Variants in DNAH9 observed in about 807,000 individuals in gnomAD.
DNAH9 encodes the protein dynein axonemal heavy chain 9, also known as DNAH9 variant protein.
A neutral mutation model predicts 471.6 loss-of-function variants in DNAH9; 345 were observed. The observed-to-expected ratio is 0.73, with a 90% CI of 0.67 to 0.80. DNAH9 has a LOEUF of 0.80. Among genes scored for constraint, DNAH9 ranks in the 30% least tolerant of loss-of-function variants. The probability of loss-of-function intolerance (pLI) is 0.00; values close to 1 mark genes in which losing one functional copy is unlikely to be tolerated. For missense variants in DNAH9, 5,407 were observed against 5,609.2 expected (o/e 0.96, Z 1.15); for synonymous variants, 2,093 against 2,123.6 (o/e 0.99, Z 0.40).
chr17:11,815,049 G>T (rs1210753546), intron 45 of DNAH9, among the ~76,000 whole-genome samples: 3 of 152,168 alleles, frequency 2.0e-5, no homozygotes, highest in Non-Finnish European at 4.4e-5. Flanking sequence ...CATTAGATCT[G>T]CTCACTGGCT....
intron 60 of DNAH9, among the ~76,000 whole-genome samples, chr17:11,905,430 G>A (rs1356728370): frequency 2.0e-5 from 3 of 152,128 alleles, no homozygotes; most frequent in African/African-American, 7.2e-5. Context: ...TGGCCTGCCT[G>A]GATGGGGCTT....
In DNAH9 at chr17:11,599,040, G is replaced by A. The variant is rs1032830529; in HGVS notation, c.417+125G>A. The stretch of plus-strand genomic sequence containing the variant: ...CTGCAGGGGAGGTCCAAGAGGCGGA[G>A]TGATAGGCAGAGGGGCGAGGCTGTG... On this transcript the variant is annotated intron_variant, in intron 1 of 68. Transcript: ENST00000262442. 37 of 812,116 alleles carry A rather than the reference G, an allele frequency of 4.6e-5. No individual in the cohort carries two copies. The African/African-American group carries it at 5.7e-4, about 12-fold the overall frequency. 50.3% of individuals were successfully genotyped at this position (812,116 alleles called of 1,614,324 possible). A position where few individuals can be genotyped will look rare whatever the true frequency, so the allele number is the denominator to read the frequency against.
chr17:11,748,244 T>G (rs1042818618), intron 32 of DNAH9, among the ~76,000 whole-genome samples: 1 of 151,040 alleles, frequency 6.6e-6, no homozygotes, highest in African/African-American at 2.4e-5. Context: ...GAAGAATTGC[T>G]TGAACCCGGG....
chr17:11,937,531 G>A lies in DNAH9; in HGVS notation c.12660+9G>A. ...CCACAAGAGAAGAAAAGGTGTGTGT[G>A]GTGGGGACTGCCTGAGGTCGTTCTG... On this transcript the variant is annotated intron_variant, in intron 66 of 68. Transcript: ENST00000262442. The surrounding 1 kb of genome is among the most constrained non-coding windows in gnomAD (Gnocchi z 4.1). 1 of 1,604,838 alleles carries A rather than the reference G, an allele frequency of 6.2e-7. No homozygotes were observed. The highest frequency in any genetic ancestry group is 1.8e-4 in the Middle Eastern group (1 of 5,536).
intron 61 of DNAH9, among the ~76,000 whole-genome samples, chr17:11,911,081 A>G (rs1302985472): frequency 6.6e-6 from 1 of 152,164 alleles, no homozygotes; most frequent in Non-Finnish European, 1.5e-5. Flanking sequence ...GGCCACTTGT[A>G]TTTTAATACT....
Position 11,854,047 on chromosome 17 carries a change from C to T in DNAH9, c.9552C>T (p.Ala3184=), listed in dbSNP as rs774684449. 1.6e-5 allele frequency: 26 copies of T among 1,614,020 alleles called. No homozygotes were observed. Among genetic ancestry groups the T allele is most frequent in the Non-Finnish European group, 2.1e-5 (25 of 1,180,030 alleles). The stretch of plus-strand genomic sequence containing the variant: ...AGTCATTTGGCTCTCCGCCTCTGGC[C>T]GTCAGCAATGTCAGCGCTGCGGTGA... ...ELKSFGSPPL[A]VSNVSAAVMV... Residue 3184 remains alanine, a synonymous_variant, in exon 50 of 69, where the codon GCC becomes GCT. Transcript: ENST00000262442.
chr17:11,684,251 A>G (rs1486845481), intron 19 of DNAH9, among the ~76,000 whole-genome samples: 1 of 152,192 alleles, frequency 6.6e-6, no homozygotes, highest in Non-Finnish European at 1.5e-5. Context: ...GGAGAGAAAA[A>G]AAACCTGAGT....
chr17:11,640,412 C>G lies in DNAH9; in HGVS notation c.1901+28C>G, dbSNP rs1474014672. 3 of 1,443,204 alleles carry G rather than the reference C, an allele frequency of 2.1e-6. No homozygotes were observed. The Admixed American group carries it at 5.0e-5, about 24-fold the overall frequency. The allele number at this position is 1,443,204 out of a possible 1,614,324, so 89.4% of individuals were successfully genotyped here. A position where few individuals can be genotyped will look rare whatever the true frequency, so the allele number is the denominator to read the frequency against. Reference sequence around the variant, plus strand: ...GAGTATTGTGTTCCTGAAAGACAGGCTTGTCTTGGGCTGCTGTTCCTGCTC... The same window carrying G: ...GAGTATTGTGTTCCTGAAAGACAGGGTTGTCTTGGGCTGCTGTTCCTGCTC... On this transcript the variant is annotated intron_variant, in intron 10 of 68. Transcript: ENST00000262442.
At chr17:11,836,980 G>A (rs755190260) in intron 49 of DNAH9, among the ~76,000 whole-genome samples, 4 of 152,142 alleles carry the variant, frequency 2.6e-5, no homozygotes, top group Non-Finnish European at 5.9e-5. Context: ...TGAAATGGAA[G>A]CAATGATAAT....
In DNAH9 at chr17:11,711,886, T is replaced by TTG. The variant is rs1420069815; in HGVS notation, c.5552+6702_5552+6703insGT. ...TTATTATATATATTTGTATATATAT[T>TTG]TATATATAAATATATATATTTGTAT... On this transcript the variant is annotated intron_variant, in intron 26 of 68. Coordinates refer to ENST00000262442, the MANE Select transcript of DNAH9 (RefSeq NM_001372.4). 1.9e-3 allele frequency among the ~76,000 whole-genome samples: 18 copies of TTG among 9,652 alleles called. 8 individuals carry two copies. In the Non-Finnish European group the frequency reaches 0.019, roughly 10 times the overall value. 6.3% of individuals were successfully genotyped at this position (9,652 alleles called of 152,430 possible). A position where few individuals can be genotyped will look rare whatever the true frequency, so the allele number is the denominator to read the frequency against.
chr17:11,831,493 C>T (rs890889465), intron 48 of DNAH9, among the ~76,000 whole-genome samples: 11 of 152,016 alleles, frequency 7.2e-5, no homozygotes, highest in African/African-American at 1.2e-4. Context: ...TCCACTTGTC[C>T]CCACCTCCAA....
At chr17:11,822,739 G>T in intron 47 of DNAH9, 62 bp from the exon 48 acceptor site, 5 of 1,594,860 alleles carry the variant, frequency 3.1e-6, no homozygotes, top group Non-Finnish European at 4.3e-6. Flanking sequence ...GGTGAGGGGT[G>T]AGCAGTTGCC....
chr17:11,837,043 A>G (rs1217897019), intron 49 of DNAH9, among the ~76,000 whole-genome samples: 1 of 152,192 alleles, frequency 6.6e-6, no homozygotes, highest in Non-Finnish European at 1.5e-5. Flanking sequence ...TAGCTAACAG[A>G]TGATAGCTAC....
rs57625537 is a variant in DNAH9 at position 11,875,517 on chromosome 17, A to C, written c.10478+333A>C. ...CCATTGTCACATAGCTCTGTGCTTTATAAAGTTTTCCTCACCCTTAGCTAA... is the reference window on the plus strand; with the variant it reads ...CCATTGTCACATAGCTCTGTGCTTTCTAAAGTTTTCCTCACCCTTAGCTAA... On this transcript the variant is annotated intron_variant, in intron 53 of 68. Transcript: ENST00000262442. Among the ~76,000 whole-genome samples the C allele has an allele frequency of 4.5e-3, 691 of 152,262 alleles. 7 individuals carry two copies. The highest frequency in any genetic ancestry group is 0.016 in the African/African-American group (664 of 41,550).
At chr17:11,627,793 T>C (rs1426649656) in intron 6 of DNAH9, among the ~76,000 whole-genome samples, 7 of 152,102 alleles carry the variant, frequency 4.6e-5, no homozygotes, top group Admixed American at 4.6e-4. Flanking sequence ...AAAAACAGGC[T>C]TGTTAGATGG....
chr17:11,737,896 C>T (rs191605197), intron 28 of DNAH9, among the ~76,000 whole-genome samples: 1,790 of 152,296 alleles, frequency 0.012, 19 homozygotes, highest in Non-Finnish European at 0.019. Flanking sequence ...ACCACAGTTG[C>T]GATGAGGATG....
chr17:11,834,844 A>G lies in DNAH9; in HGVS notation c.9453A>G (p.Ala3151=). ...AGAAGGACTGTGAGGAGGACCTGGC[A>G]AAGGCTGAGCCAGCACTCACAGCAG... ...QKQKDCEEDL[A]KAEPALTAAQ... The change falls in exon 49 of 69, where the codon GCA becomes GCG. Residue 3151 remains alanine (A), a synonymous_variant. Coordinates refer to ENST00000262442, the MANE Select transcript of DNAH9 (RefSeq NM_001372.4). 1.9e-6 allele frequency: 3 copies of G among 1,613,968 alleles called. No individual in the cohort carries two copies. The highest frequency in any genetic ancestry group is 1.7e-4 in the Middle Eastern group (1 of 6,020).
At chr17:11,812,613 T>G (rs1969966908) in intron 45 of DNAH9, among the ~76,000 whole-genome samples, 1 of 152,178 alleles carries the variant, frequency 6.6e-6, no homozygotes, top group East Asian at 1.9e-4. Context: ...TTTGGCTTCT[T>G]TCAGGTGAGA....
At chr17:11,685,798 T>G (rs1226351494) in intron 19 of DNAH9, among the ~76,000 whole-genome samples, 3 of 144,988 alleles carry the variant, frequency 2.1e-5, no homozygotes, top group Non-Finnish European at 4.5e-5. Context: ...GTTGGATACA[T>G]TAATTTTTTT....
Sources: gnomAD v4.1 joint callset for allele counts (sites outside exome capture counted in the v4.1 genomes callset) on GRCh38, gnomAD v4.1.1 for gene constraint, Gnocchi (gnomAD v3.1) non-coding constraint, MANE v1.5 for transcripts, NCBI Gene and HGNC (gene_info 2026-07-23, HGNC 2026-07-21) for gene names.